Variants in ATRNL1 observed in about 807,000 individuals in gnomAD.
ATRNL1 encodes attractin like 1.
A neutral mutation model predicts 182.7 loss-of-function variants in ATRNL1; 95 were observed. That is an observed-to-expected ratio of 0.52 (90% CI 0.44 to 0.62). ATRNL1 has a LOEUF of 0.62. Ranked by LOEUF, ATRNL1 falls within the 20% of genes least tolerant of loss-of-function variation. ATRNL1 has a pLI of 0.00. For missense variants in ATRNL1, 1,471 were observed against 1,679.5 expected, an observed-to-expected ratio of 0.88 and a Z score of 2.17; for synonymous variants, 576 against 568.3, an observed-to-expected ratio of 1.01 and a Z score of -0.19.
intron 27 of ATRNL1, among the ~76,000 whole-genome samples, chr10:115,787,200 A>G (rs1949418081): frequency 6.6e-6 from 1 of 152,176 alleles, no homozygotes; most frequent in African/African-American, 2.4e-5. Context: ...TTTGTATTCA[A>G]TAGTCTTGTA....
At chr10:115,155,841 C>A (rs1401007925) in intron 5 of ATRNL1, among the ~76,000 whole-genome samples, 1 of 151,972 alleles carries the variant, frequency 6.6e-6, no homozygotes, top group African/African-American at 2.4e-5. Context: ...ATAAGAAGAC[C>A]AGGTTTTAGA....
At chr10:115,844,708 G>C (rs1183246957) in intron 27 of ATRNL1, among the ~76,000 whole-genome samples, 1 of 151,958 alleles carries the variant, frequency 6.6e-6, no homozygotes, top group African/African-American at 2.4e-5. Flanking sequence ...ATGTTTTCTG[G>C]CAGAGCCTAA....
In ATRNL1 at chr10:115,574,534, T is replaced by C. The variant is rs112165594; in HGVS notation, c.3795+24998T>C. On this transcript the variant is annotated intron_variant, in intron 26 of 28. Transcript: ENST00000355044. ...AAAATATTTAATATCAAATCTACCA[T>C]GTATCTTAATCTTTTATATTTTCTG... 6.6e-3 allele frequency among the ~76,000 whole-genome samples: 1,004 copies of C among 152,254 alleles called. 7 individuals carry two copies. Among genetic ancestry groups the C allele is most frequent in the Non-Finnish European group, 0.01 (701 of 68,014 alleles).
At chr10:115,220,375 G>A (rs1419718603) in intron 9 of ATRNL1, 2 of 152,058 alleles carry the variant, frequency 1.3e-5, no homozygotes, top group Non-Finnish European at 2.9e-5. Flanking sequence ...TTAATGCAGG[G>A]TGCTTGGTCT....
intron 26 of ATRNL1, among the ~76,000 whole-genome samples, chr10:115,688,429 A>G (rs2420103): frequency 0.39 from 58,695 of 151,880 alleles, 12,029 homozygotes; most frequent in East Asian, 0.58. Context: ...CATTCCCACC[A>G]ACAACATATG....
At chr10:115,929,401 A>C (rs1214378453) in intron 28 of ATRNL1, among the ~76,000 whole-genome samples, 1 of 152,084 alleles carries the variant, frequency 6.6e-6, no homozygotes, top group African/African-American at 2.4e-5. Flanking sequence ...AAATCCTTTG[A>C]CTCATCCTAT....
At chr10:115,593,624 G>A (rs1447373718) in intron 26 of ATRNL1, among the ~76,000 whole-genome samples, 1 of 152,116 alleles carries the variant, frequency 6.6e-6, no homozygotes, top group African/African-American at 2.4e-5. Flanking sequence ...ATAATACATT[G>A]TTGAGATCAT....
intron 27 of ATRNL1, among the ~76,000 whole-genome samples, chr10:115,833,579 T>G (rs1004174312): frequency 6.6e-6 from 1 of 152,204 alleles, no homozygotes; most frequent in Non-Finnish European, 1.5e-5. Context: ...CTGACATTTA[T>G]TGAACACTTG....
intron 17 of ATRNL1, among the ~76,000 whole-genome samples, chr10:115,315,111 G>C (rs55816821): frequency 0.012 from 1,828 of 152,260 alleles, 23 homozygotes; most frequent in Non-Finnish European, 0.018. Context: ...TCCACAGGCA[G>C]AATACAGAGT....
intron 10 of ATRNL1, among the ~76,000 whole-genome samples, chr10:115,247,380 A>G (rs1161229406): frequency 2.0e-5 from 3 of 152,202 alleles, no homozygotes; most frequent in African/African-American, 7.2e-5. Context: ...ATCTCAACAG[A>G]TATTTCTCAA....
At chr10:115,843,405 G>A (rs1261288207) in intron 27 of ATRNL1, among the ~76,000 whole-genome samples, 13 of 151,952 alleles carry the variant, frequency 8.6e-5, no homozygotes, top group Admixed American at 3.3e-4. Flanking sequence ...AAATAAAGAG[G>A]GTCACAAAAG....
In ATRNL1 at chr10:115,372,556, A is replaced by G. The variant is rs190237714; in HGVS notation, c.3176-22103A>G. 1.8e-3 allele frequency among the ~76,000 whole-genome samples: 275 copies of G among 152,324 alleles called. 2 individuals are homozygous for G. The highest frequency in any genetic ancestry group is 6.3e-3 in the African/African-American group (261 of 41,576). Reference sequence around the variant, plus strand: ...TTTTGAGGTTATTTTTGAATATGGTATAAGATAAAATTTCATTTTCATTCT... The same window carrying G: ...TTTTGAGGTTATTTTTGAATATGGTGTAAGATAAAATTTCATTTTCATTCT... On this transcript the variant is annotated intron_variant, in intron 19 of 28. Coordinates refer to ENST00000355044, the MANE Select transcript of ATRNL1 (RefSeq NM_207303.4).
intron 1 of ATRNL1, among the ~76,000 whole-genome samples, chr10:115,109,517 T>C (rs150545211): frequency 7.9e-5 from 12 of 152,242 alleles, no homozygotes; most frequent in Admixed American, 2.0e-4. Context: ...ATAACAGCAT[T>C]AATCCATTCA....
At chr10:115,884,793 A>G (rs1951904672) in intron 28 of ATRNL1, among the ~76,000 whole-genome samples, 1 of 152,222 alleles carries the variant, frequency 6.6e-6, no homozygotes, top group South Asian at 2.1e-4. Flanking sequence ...ATAATTGAGC[A>G]TTTACAGGGA....
chr10:115,932,714 A>ATATTTTAAAAAT (rs1953439368), intron 28 of ATRNL1, among the ~76,000 whole-genome samples: 1 of 152,170 alleles, frequency 6.6e-6, no homozygotes, highest in Non-Finnish European at 1.5e-5. Context: ...TTAATGCCAA[A>ATATTTTAAAAAT]CTTTTAAAAA....
intron 19 of ATRNL1, among the ~76,000 whole-genome samples, chr10:115,366,925 G>T (rs1380041232): frequency 7.0e-6 from 1 of 143,330 alleles, no homozygotes; most frequent in Non-Finnish European, 1.5e-5. Flanking sequence ...TGGGTAACCC[G>T]ACCTTTCTCT....
intron 18 of ATRNL1, among the ~76,000 whole-genome samples, chr10:115,319,971 A>C (rs1380298981): frequency 2.0e-5 from 3 of 149,560 alleles, no homozygotes; most frequent in Non-Finnish European, 4.5e-5. Flanking sequence ...TAGTTGATGC[A>C]GTTTCTTCAT....
chr10:115,569,728 A>G (rs1854279574), intron 26 of ATRNL1, among the ~76,000 whole-genome samples: 1 of 151,860 alleles, frequency 6.6e-6, no homozygotes, highest in Non-Finnish European at 1.5e-5. Flanking sequence ...TGTCTCTGGT[A>G]TGAGTTGAAA....
intron 8 of ATRNL1, among the ~76,000 whole-genome samples, chr10:115,211,037 G>T (rs1848999125): frequency 6.9e-6 from 1 of 145,056 alleles, no homozygotes; most frequent in African/African-American, 2.5e-5. Context: ...TCTATTTGTT[G>T]TCCTGACTTC....
Sources: gnomAD v4.1 joint callset for allele counts (sites outside exome capture counted in the v4.1 genomes callset) on GRCh38, gnomAD v4.1.1 for gene constraint, MANE v1.5 for transcripts, NCBI Gene and HGNC (gene_info 2026-07-23, HGNC 2026-07-21) for gene names.